FARP1: variants seen among roughly 807,000 people sequenced by gnomAD.
FARP1 encodes the protein FERM, ARHGEF and pleckstrin domain-containing protein 1.
In FARP1, 52 loss-of-function variants were observed where a neutral mutation model predicts 128.8. The ratio of observed to expected loss-of-function variants is 0.40; its 90% confidence interval spans 0.32 to 0.51. The LOEUF (loss-of-function observed/expected upper bound fraction) is 0.51. Among genes scored for constraint, FARP1 ranks in the 20% least tolerant of loss-of-function variants. The probability of loss-of-function intolerance (pLI) is 0.45; values close to 1 mark genes in which losing one functional copy is unlikely to be tolerated. For missense variants in FARP1, 1,333 were observed against 1,367.9 expected (o/e 0.97, Z 0.40); for synonymous variants, 580 against 551.8 (o/e 1.05, Z -0.72).
In FARP1 at chr13:98,374,688, A is replaced by G. The variant is rs945542347; in HGVS notation, c.399-3133A>G. On this transcript the variant is annotated intron_variant, in intron 5 of 26. Transcript: ENST00000319562. ...AAAACTGGAAGTCATAGTCTGTTCT[A>G]TGCTGCTATAAAGGAATACCTGAGG... Among the ~76,000 whole-genome samples, 7 of 152,300 alleles carry G rather than the reference A, an allele frequency of 4.6e-5. 1 individual carries two copies. The highest frequency in any genetic ancestry group is 1.9e-4 in the East Asian group (1 of 5,190).
At chr13:98,295,328 G>T (rs1188614513) in intron 2 of FARP1, among the ~76,000 whole-genome samples, 1 of 152,116 alleles carries the variant, frequency 6.6e-6, no homozygotes, top group Non-Finnish European at 1.5e-5. Flanking sequence ...AGGGAGCCCT[G>T]GGCAGGCAAT....
At chr13:98,387,915 C>T (rs923295722) in intron 8 of FARP1, among the ~76,000 whole-genome samples, 3 of 152,148 alleles carry the variant, frequency 2.0e-5, no homozygotes, top group Non-Finnish European at 4.4e-5. Flanking sequence ...TTAAACGTGT[C>T]ATTTGCAGCA....
chr13:98,244,726 C>T, intron 2 of FARP1: 1 of 1,607,550 alleles, frequency 6.2e-7, no homozygotes, highest in Non-Finnish European at 8.5e-7. Flanking sequence ...ACTTGAAGTC[C>T]TGTTTCATTA....
At chr13:98,413,650 A>T (rs1891270094) in intron 16 of FARP1, among the ~76,000 whole-genome samples, 1 of 152,182 alleles carries the variant, frequency 6.6e-6, no homozygotes. Flanking sequence ...ACAGAACAAG[A>T]CCCTGTCTCC....
At chr13:98,356,147 A>G (rs1434112371) in intron 3 of FARP1, among the ~76,000 whole-genome samples, 4 of 152,252 alleles carry the variant, frequency 2.6e-5, no homozygotes, top group East Asian at 3.8e-4. Context: ...TTTTCTGCCT[A>G]CATACTAATA....
chr13:98,301,795 C>T (rs1461761034), intron 2 of FARP1, among the ~76,000 whole-genome samples: 2 of 152,052 alleles, frequency 1.3e-5, no homozygotes, highest in Non-Finnish European at 2.9e-5. Context: ...TAAGTGTACA[C>T]GTACTCGGTG....
chr13:98,373,306 A>G (rs1413585126), intron 5 of FARP1, among the ~76,000 whole-genome samples: 3 of 152,156 alleles, frequency 2.0e-5, no homozygotes, highest in African/African-American at 7.2e-5. Context: ...AATATTCAGA[A>G]TGTAATTTTA....
intron 13 of FARP1, chr13:98,396,684 G>T (rs1371584154): frequency 7.6e-6 from 3 of 392,308 alleles, no homozygotes; most frequent in African/African-American, 6.2e-5. Context: ...CACATAAGTG[G>T]CTTGCTTTCC....
chr13:98,393,948 T>C (rs948334075), intron 12 of FARP1, among the ~76,000 whole-genome samples: 5 of 152,134 alleles, frequency 3.3e-5, no homozygotes, highest in African/African-American at 7.2e-5. Flanking sequence ...TGCCTTCTCA[T>C]CTCCCATGCG....
chr13:98,453,877 G>T lies in FARP1; in HGVS notation c.*5560G>T, dbSNP rs1893322838. Reference sequence around the variant, plus strand: ...GTTTAAAAGTACATACAAAATTACAGATTGGGCATCCCTTATCTGAAATGC... The same window carrying T: ...GTTTAAAAGTACATACAAAATTACATATTGGGCATCCCTTATCTGAAATGC... On this transcript the variant is annotated 3_prime_UTR_variant, in exon 27 of 27. Coordinates refer to ENST00000319562, the MANE Select transcript of FARP1 (RefSeq NM_005766.4). The T allele has an allele frequency of 6.6e-6, 1 of 152,200 alleles. No homozygotes were observed. The highest frequency in any genetic ancestry group is 1.5e-5 in the Non-Finnish European group (1 of 68,056). 9.4% of individuals were successfully genotyped at this position (152,200 alleles called of 1,614,324 possible).
At position 98,453,341 on chromosome 13, in the gene FARP1, A is replaced by C; in HGVS notation, c.*5024A>C. 1 of 860,292 alleles carries C rather than the reference A, an allele frequency of 1.2e-6. No individual in the cohort carries two copies. Among genetic ancestry groups the C allele is most frequent in the Non-Finnish European group, 1.8e-6 (1 of 545,134 alleles). 53.3% of individuals were successfully genotyped at this position (860,292 alleles called of 1,614,324 possible). On this transcript the variant is annotated 3_prime_UTR_variant, in exon 27 of 27. Transcript: ENST00000319562. ...TACAAAAATAAGTGGAGCAAATATC[A>C]ATGTGTAAGTCTAATTTTAAAAGAA...
intron 1 of FARP1, among the ~76,000 whole-genome samples, chr13:98,197,488 T>C (rs1381245449): frequency 6.6e-6 from 1 of 152,102 alleles, no homozygotes; most frequent in Non-Finnish European, 1.5e-5. Flanking sequence ...GATGATGTTA[T>C]TCATTCCATA....
intron 14 of FARP1, among the ~76,000 whole-genome samples, 160 bp downstream of exon 14, chr13:98,409,685 C>T (rs1456627423): frequency 1.3e-5 from 2 of 152,238 alleles, no homozygotes; most frequent in Non-Finnish European, 2.9e-5. Flanking sequence ...TGTTGTTGTG[C>T]CACTGTCCCG....
rs1202875913 is a variant in FARP1 at position 98,358,616 on chromosome 13, T to C, written c.277-6779T>C. On this transcript the variant is annotated intron_variant, in intron 3 of 26. Coordinates refer to ENST00000319562, the MANE Select transcript of FARP1 (RefSeq NM_005766.4). ...CTTTGAAACAAATTATTACAAAGAA[T>C]TCAAAGTAAAGTTTTTTTGTTTCTT... 2.0e-5 allele frequency among the ~76,000 whole-genome samples: 3 copies of C among 152,270 alleles called. No individual in the cohort carries two copies. The East Asian group carries it at 5.8e-4, about 29-fold the overall frequency.
chr13:98,400,376 T>C (rs568374095), intron 13 of FARP1: 81 of 152,366 alleles, frequency 5.3e-4, no homozygotes, highest in African/African-American at 1.8e-3. Flanking sequence ...TAATCTGTCA[T>C]TTTAAATGTT....
chr13:98,273,312 C>T (rs188441225), intron 2 of FARP1, among the ~76,000 whole-genome samples: 1 of 152,312 alleles, frequency 6.6e-6, no homozygotes, highest in East Asian at 1.9e-4. Context: ...GGATGTGGGA[C>T]TTAATCCTTG....
At chr13:98,426,324 T>A (rs1170835257) in intron 17 of FARP1, among the ~76,000 whole-genome samples, 1 of 151,964 alleles carries the variant, frequency 6.6e-6, no homozygotes, top group Middle Eastern at 3.2e-3. Flanking sequence ...CTTGTCTCTA[T>A]GAAAAATAAA....
intron 2 of FARP1, among the ~76,000 whole-genome samples, chr13:98,304,017 A>G (rs758875890): frequency 7.9e-5 from 12 of 152,170 alleles, no homozygotes; most frequent in Non-Finnish European, 1.3e-4. Context: ...GGTGTGTAGA[A>G]AACTCTACCT....
chr13:98,149,168 A>G (rs2139082187), intron 1 of FARP1, among the ~76,000 whole-genome samples: 1 of 152,166 alleles, frequency 6.6e-6, no homozygotes, highest in South Asian at 2.1e-4. Context: ...GATTACTGGC[A>G]TGAACTGCCA....
Sources: gnomAD v4.1 joint callset for allele counts (sites outside exome capture counted in the v4.1 genomes callset) on GRCh38, gnomAD v4.1.1 for gene constraint, MANE v1.5 for transcripts, NCBI Gene and HGNC (gene_info 2026-07-23, HGNC 2026-07-21) for gene names.